The following LYL1 variants were observed in gnomAD, a reference collection of about 807,000 sequenced individuals.
LYL1 encodes the protein protein lyl-1.
Under a neutral mutation model 11.1 loss-of-function variants are expected in LYL1, and 4 were observed. The observed-to-expected ratio is 0.36, with a 90% CI of 0.18 to 0.82. The LOEUF is 0.82. Ranked by LOEUF, LYL1 falls within the 40% of genes least tolerant of loss-of-function variation. The probability of loss-of-function intolerance (pLI) is 0.49; values close to 1 mark genes in which losing one functional copy is unlikely to be tolerated. For synonymous variants in LYL1, 179 were observed against 174.8 expected, an observed-to-expected ratio of 1.02 and a Z score of -0.19; for missense variants, 356 against 397.6, an observed-to-expected ratio of 0.90 and a Z score of 0.89.
intron 3 of LYL1, 74 bp downstream of exon 3, chr19:13,100,583 G>T (rs758835291): frequency 4.4e-6 from 6 of 1,364,844 alleles, no homozygotes; most frequent in Non-Finnish European, 6.3e-6. Flanking sequence ...ACACAGAGAC[G>T]GCCAGGCCTT....
At position 13,100,965 on chromosome 19, in the gene LYL1, C is replaced by A; in HGVS notation, c.207G>T (p.Arg69Ser). 1.3e-6 allele frequency: 2 copies of A among 1,501,512 alleles called. No homozygotes were observed. The highest frequency in any genetic ancestry group is 1.8e-6 in the Non-Finnish European group (2 of 1,124,156). 93.0% of individuals were successfully genotyped at this position (1,501,512 alleles called of 1,614,324 possible). ...GVPVISLGHS[R>S]PPGVAMPTTE... is the part of the protein sequence containing the mutation. Reference sequence around the variant, plus strand: ...TGGTGGGCATGGCTACCCCTGGGGGCCTGCTGTGGCCCAGGCTGATCACTG... The same window carrying A: ...TGGTGGGCATGGCTACCCCTGGGGGACTGCTGTGGCCCAGGCTGATCACTG... Residue 69 changes from arginine to serine, a missense_variant, in exon 2 of 4, where the codon AGG becomes AGT. By Grantham distance (110) the Arg-to-Ser change is moderately radical. Transcript: ENST00000264824.
In LYL1 at chr19:13,101,218, T is replaced by A; in HGVS notation, c.-24-23A>T. On this transcript the variant is annotated intron_variant, in intron 1 of 3. Transcript: ENST00000264824. The surrounding 1 kb of genome is among the most constrained non-coding windows in gnomAD (Gnocchi z 5.1). ...CACCTGTGGGAAAGAAGGCAGCCAG[T>A]GGGGAGGAGGACTAGGTGCCCCGCT... The A allele has an allele frequency of 9.0e-7, 1 of 1,110,950 alleles. No homozygotes were observed. Among genetic ancestry groups the A allele is most frequent in the Non-Finnish European group, 1.2e-6 (1 of 833,702 alleles). 68.8% of individuals were successfully genotyped at this position (1,110,950 alleles called of 1,614,324 possible).
Position 13,101,237 on chromosome 19 carries a change from C to T in LYL1, c.-24-42G>A, listed in dbSNP as rs1051303749. 7.0e-6 allele frequency: 6 copies of T among 856,376 alleles called. No homozygotes were observed. Among genetic ancestry groups the T allele is most frequent in the Non-Finnish European group, 6.7e-6 (4 of 599,754 alleles). The allele number at this position is 856,376 out of a possible 1,614,324, so 53.0% of individuals were successfully genotyped here. On this transcript the variant is annotated intron_variant, in intron 1 of 3. Transcript: ENST00000264824. This position sits in a 1 kb window ranked among gnomAD's most constrained non-coding sequence, Gnocchi z 5.1. ...AGCCAGTGGGGAGGAGGACTAGGTG[C>T]CCCGCTCCCACCTGCTTAGCTCAAG...
Position 13,099,143 on chromosome 19 carries a change from C to T in LYL1, c.*176G>A, listed in dbSNP as rs2018633345. 2 of 513,710 alleles carry T rather than the reference C, an allele frequency of 3.9e-6. No homozygotes were observed. Among genetic ancestry groups the T allele is most frequent in the Non-Finnish European group, 6.0e-6 (2 of 334,360 alleles). 31.8% of individuals were successfully genotyped at this position (513,710 alleles called of 1,614,324 possible). A position where few individuals can be genotyped will look rare whatever the true frequency, so the allele number is the denominator to read the frequency against. On this transcript the variant is annotated 3_prime_UTR_variant, in exon 4 of 4. Coordinates refer to ENST00000264824, the MANE Select transcript of LYL1 (RefSeq NM_005583.5). This position sits in a 1 kb window ranked among gnomAD's most constrained non-coding sequence, Gnocchi z 5.3. ...GATTTTTTTAAGGGTCTGCGGGTCC[C>T]TTGGGGGTCGATGATCACCCTTCCG...
chr19:13,099,436 C>G lies in LYL1; in HGVS notation c.726G>C (p.Arg242Ser). 4 of 1,252,170 alleles carry G rather than the reference C, an allele frequency of 3.2e-6. No homozygotes were observed. The highest frequency in any genetic ancestry group is 4.0e-6 in the Non-Finnish European group (4 of 993,216). 77.6% of individuals were successfully genotyped at this position (1,252,170 alleles called of 1,614,324 possible). ...DDGARRGSGR[R>S]AEAAARSQPA... ...GCTGCGAGCGCGCTGCCGCCTCGGCCCTGCGTCCGGATCCCCGGCGGGCGC... is the reference window on the plus strand; with the variant it reads ...GCTGCGAGCGCGCTGCCGCCTCGGCGCTGCGTCCGGATCCCCGGCGGGCGC... The change falls in exon 4 of 4, where the codon AGG becomes AGC. Residue 242 changes from arginine to serine, a missense_variant. By Grantham distance (110) the Arg-to-Ser change is moderately radical. Coordinates refer to ENST00000264824, the MANE Select transcript of LYL1 (RefSeq NM_005583.5). The surrounding 1 kb of genome is among the most constrained non-coding windows in gnomAD (Gnocchi z 5.3).
Position 13,099,829 on chromosome 19 carries a change from C to T in LYL1, c.428-95G>A, listed in dbSNP as rs1282143260. On this transcript the variant is annotated intron_variant, in intron 3 of 3. Coordinates refer to ENST00000264824, the MANE Select transcript of LYL1 (RefSeq NM_005583.5). This position sits in a 1 kb window ranked among gnomAD's most constrained non-coding sequence, Gnocchi z 5.3. ...CGCAGCACCCTCGTGGGAACTTAAA[C>T]CCAGGCCATGGGCTGGGGCTTTCTC... is the stretch of plus-strand genomic sequence containing the variant. 1.7e-6 allele frequency: 2 copies of T among 1,172,320 alleles called. No homozygotes were observed. The highest frequency in any genetic ancestry group is 1.1e-6 in the Non-Finnish European group (1 of 883,528). The allele number at this position is 1,172,320 out of a possible 1,614,324, so 72.6% of individuals were successfully genotyped here.
chr19:13,100,543 G>T, intron 3 of LYL1, 114 bp downstream of exon 3: 1 of 975,576 alleles, frequency 1.0e-6, no homozygotes, highest in Non-Finnish European at 1.7e-6. Flanking sequence ...ACGTCTCCCC[G>T]AGGTGGAGTA....
chr19:13,099,678 G>A lies in LYL1; in HGVS notation c.484C>T (p.Arg162Trp). ...RVFTNSRERW[R>W]QQNVNGAFAE... Reference sequence around the variant, plus strand: ...AAGGCGCCGTTAACGTTCTGCTGCCGCCAGCGCTCCCGGCTGTTGGTGAAC... The same window carrying A: ...AAGGCGCCGTTAACGTTCTGCTGCCACCAGCGCTCCCGGCTGTTGGTGAAC... Residue 162 changes from arginine to tryptophan, a missense_variant, in exon 4 of 4, where the codon CGG becomes TGG. Physicochemically the swap from Arg to Trp is moderately radical, Grantham distance 101. Transcript: ENST00000264824. This position sits in a 1 kb window ranked among gnomAD's most constrained non-coding sequence, Gnocchi z 5.3. 3 of 1,545,838 alleles carry A rather than the reference G, an allele frequency of 1.9e-6. No individual in the cohort carries two copies. Among genetic ancestry groups the A allele is most frequent in the African/African-American group, 1.4e-5 (1 of 72,998 alleles).
chr19:13,100,959 T>TG lies in LYL1; in HGVS notation c.212dup (p.Gly72ArgfsTer51). ...GCTCTGTGGTGGGCATGGCTACCCC[T>TG]GGGGGCCTGCTGTGGCCCAGGCTGA... On this transcript the variant is annotated frameshift_variant, in exon 2 of 4. Transcript: ENST00000264824. LOFTEE classifies it high-confidence loss of function. The TG allele has an allele frequency of 6.6e-7, 1 of 1,508,332 alleles. No individual in the cohort carries two copies. Among genetic ancestry groups the TG allele is most frequent in the Non-Finnish European group, 8.9e-7 (1 of 1,126,792 alleles). 93.4% of individuals were successfully genotyped at this position (1,508,332 alleles called of 1,614,324 possible).
rs1049819430 is a variant in LYL1 at position 13,099,360 on chromosome 19, T to C, written c.802A>G (p.Ile268Val). ...CTCAAAGCGGTTTGCTCCATCTTGA[T>C]GGGCCGGGCCGCTCCACCGGGGCTG... ...DGSPGGAARP[I>V]KMEQTALSPE... Residue 268 changes from isoleucine (I) to valine (V), a missense_variant, in exon 4 of 4, where the codon ATC (isoleucine) becomes GTC (valine). Coordinates refer to ENST00000264824, the MANE Select transcript of LYL1 (RefSeq NM_005583.5). The surrounding 1 kb of genome is among the most constrained non-coding windows in gnomAD (Gnocchi z 5.3). 4 of 1,281,210 alleles carry C rather than the reference T, an allele frequency of 3.1e-6. No individual in the cohort carries two copies. The African/African-American group carries it at 4.6e-5, about 15-fold the overall frequency. 79.4% of individuals were successfully genotyped at this position (1,281,210 alleles called of 1,614,324 possible).
rs748548623 is a variant in LYL1, at chr19:13,100,760, C to A, written c.336-12G>T. 2.5e-6 allele frequency: 4 copies of A among 1,613,858 alleles called. No individual in the cohort carries two copies. The highest frequency in any genetic ancestry group is 3.4e-6 in the Non-Finnish European group (4 of 1,179,828). ...GCCCAATGTAGACACTGTAAGGGGTCGTGGGTCACTAATGCCTTGTGGGCA... is the reference window on the plus strand; with the variant it reads ...GCCCAATGTAGACACTGTAAGGGGTAGTGGGTCACTAATGCCTTGTGGGCA... On this transcript the variant is annotated splice_polypyrimidine_tract_variant and intron_variant, in intron 2 of 3. Coordinates refer to ENST00000264824, the MANE Select transcript of LYL1 (RefSeq NM_005583.5).
chr19:13,099,616 G>A lies in LYL1; in HGVS notation c.546C>T (p.Pro182=), dbSNP rs776267089. Residue 182 remains proline, a synonymous_variant, in exon 4 of 4, where the codon CCC becomes CCT. Coordinates refer to ENST00000264824, the MANE Select transcript of LYL1 (RefSeq NM_005583.5). This position sits in a 1 kb window ranked among gnomAD's most constrained non-coding sequence, Gnocchi z 5.3. ...ELRKLLPTHP[P]DRKLSKNEVL... is the part of the protein sequence containing the mutation. ...CCTCGTTCTTGCTCAGCTTCCGGTCGGGCGGGTGCGTCGGCAGCAGCTTCC... is the reference window on the plus strand; with the variant it reads ...CCTCGTTCTTGCTCAGCTTCCGGTCAGGCGGGTGCGTCGGCAGCAGCTTCC... The A allele has an allele frequency of 1.6e-4, 249 of 1,556,244 alleles. No individual in the cohort carries two copies. Among genetic ancestry groups the A allele is most frequent in the Middle Eastern group, 1.0e-3 (6 of 6,014 alleles).
chr19:13,101,634 T>A lies in LYL1; in HGVS notation c.-24-439A>T, dbSNP rs188007930. ...AACCCAGAGACTCCTCATTAACTCA[T>A]TGATGCCATGTGAGCTTGGAATCCC... On this transcript the variant is annotated intron_variant, in intron 1 of 3. Coordinates refer to ENST00000264824, the MANE Select transcript of LYL1 (RefSeq NM_005583.5). The surrounding 1 kb of genome is among the most constrained non-coding windows in gnomAD (Gnocchi z 5.1). 9.0e-6 allele frequency: 2 copies of A among 221,312 alleles called. No individual in the cohort carries two copies. Among genetic ancestry groups the A allele is most frequent in the African/African-American group, 4.5e-5 (2 of 44,552 alleles). The allele number at this position is 221,312 out of a possible 1,614,324, so 13.7% of individuals were successfully genotyped here.
Position 13,099,111 on chromosome 19 carries a change from T to G in LYL1, c.*208A>C. The G allele has an allele frequency of 2.4e-6, 1 of 411,668 alleles. No individual in the cohort carries two copies. Among genetic ancestry groups the G allele is most frequent in the Non-Finnish European group, 4.1e-6 (1 of 243,262 alleles). The allele number at this position is 411,668 out of a possible 1,614,324, so 25.5% of individuals were successfully genotyped here. A position where few individuals can be genotyped will look rare whatever the true frequency, so the allele number is the denominator to read the frequency against. ...CCGGGCAAGGCCACTTCCAGAGGGT[T>G]GTGGGTGATTTTTTTAAGGGTCTGC... On this transcript the variant is annotated 3_prime_UTR_variant, in exon 4 of 4. Transcript: ENST00000264824. The surrounding 1 kb of genome is among the most constrained non-coding windows in gnomAD (Gnocchi z 5.3).
rs576500504 is a variant in LYL1, at chr19:13,101,183, T to G, written c.-12A>C. ...TGAGGCGGGCACATGGACCCCGACG[T>G]GGGGGTACTCACCTGTGGGAAAGAA... On this transcript the variant is annotated 5_prime_UTR_variant, in exon 2 of 4. Transcript: ENST00000264824. The surrounding 1 kb of genome is among the most constrained non-coding windows in gnomAD (Gnocchi z 5.1). The G allele has an allele frequency of 2.8e-3, 3,906 of 1,408,118 alleles. 11 individuals are homozygous for G. The highest frequency in any genetic ancestry group is 3.3e-3 in the Non-Finnish European group (3,568 of 1,077,884). 87.2% of individuals were successfully genotyped at this position (1,408,118 alleles called of 1,614,324 possible).
chr19:13,101,480 A>C lies in LYL1; in HGVS notation c.-24-285T>G. 1 of 350,600 alleles carries C rather than the reference A, an allele frequency of 2.9e-6. No homozygotes were observed. The highest frequency in any genetic ancestry group is 5.1e-6 in the Non-Finnish European group (1 of 194,794). The allele number at this position is 350,600 out of a possible 1,614,324, so 21.7% of individuals were successfully genotyped here. Reference sequence around the variant, plus strand: ...GGCGCTGTTGCCCAGCCTCTGAGCAAATATTCCTTCTTCCAGAATTCCCTC... The same window carrying C: ...GGCGCTGTTGCCCAGCCTCTGAGCACATATTCCTTCTTCCAGAATTCCCTC... On this transcript the variant is annotated intron_variant, in intron 1 of 3. Coordinates refer to ENST00000264824, the MANE Select transcript of LYL1 (RefSeq NM_005583.5). The surrounding 1 kb of genome is among the most constrained non-coding windows in gnomAD (Gnocchi z 5.1).
In LYL1 at chr19:13,099,721, C is replaced by T. The variant is rs944101652; in HGVS notation, c.441G>A (p.Gln147=). 4.6e-6 allele frequency: 7 copies of T among 1,518,004 alleles called. No individual in the cohort carries two copies. Among genetic ancestry groups the T allele is most frequent in the African/African-American group, 4.2e-5 (3 of 71,608 alleles). The allele number at this position is 1,518,004 out of a possible 1,614,324, so 94.0% of individuals were successfully genotyped here. ...ELDLAEGHQP[Q]KVARRVFTNS... is the part of the protein sequence containing the mutation. ...TGGTGAACACGCGCCGGGCCACCTT[C>T]TGGGGCTGGTGCCCTGTGGACAAGG... The change falls in exon 4 of 4, where the codon CAG becomes CAA. Residue 147 remains glutamine, a synonymous_variant. Coordinates refer to ENST00000264824, the MANE Select transcript of LYL1 (RefSeq NM_005583.5). The surrounding 1 kb of genome is among the most constrained non-coding windows in gnomAD (Gnocchi z 5.3).
In LYL1 at chr19:13,100,535, G is replaced by A. The variant is rs1252489103; in HGVS notation, c.427+122C>T. 4.2e-5 allele frequency: 39 copies of A among 923,070 alleles called. No homozygotes were observed. In the Admixed American group the frequency reaches 6.8e-4, roughly 16 times the overall value. 57.2% of individuals were successfully genotyped at this position (923,070 alleles called of 1,614,324 possible). A position where few individuals can be genotyped will look rare whatever the true frequency, so the allele number is the denominator to read the frequency against. ...TGTTCTCTGTGTGTGCTGGAAGCAC[G>A]TCTCCCCGAGGTGGAGTAGAGGACA... On this transcript the variant is annotated intron_variant, in intron 3 of 3. Coordinates refer to ENST00000264824, the MANE Select transcript of LYL1 (RefSeq NM_005583.5).
At chr19:13,100,617 C>T (rs2018672516) in intron 3 of LYL1, 40 bp downstream of exon 3, 1 of 1,575,882 alleles carries the variant, frequency 6.3e-7, no homozygotes, top group Non-Finnish European at 8.7e-7. Flanking sequence ...AGTGCACATA[C>T]AGGCATACAA....
Sources: allele counts gnomAD v4.1 joint callset, GRCh38; gene constraint gnomAD v4.1.1; non-coding constraint Gnocchi (gnomAD v3.1); transcripts MANE v1.5; gene names NCBI Gene and HGNC (gene_info 2026-07-23, HGNC 2026-07-21).